Variants in SLAIN1 observed in about 807,000 individuals in gnomAD.
The protein encoded by SLAIN1 is SLAIN family member 1.
A neutral mutation model predicts 55.4 loss-of-function variants in SLAIN1; 17 were observed. The observed-to-expected ratio is 0.31, with a 90% CI of 0.21 to 0.46. The LOEUF (loss-of-function observed/expected upper bound fraction) is 0.46, where lower values mean the gene tolerates loss of function less well. Among genes scored for constraint, SLAIN1 ranks in the 20% least tolerant of loss-of-function variants. The probability of loss-of-function intolerance (pLI) is 1.00; values close to 1 mark genes in which losing one functional copy is unlikely to be tolerated. For synonymous variants in SLAIN1, 348 were observed against 337.4 expected, an observed-to-expected ratio of 1.03 and a Z score of -0.35; for missense variants, 682 against 785.1, an observed-to-expected ratio of 0.87 and a Z score of 1.57.
intron 2 of SLAIN1, chr13:77,743,118 G>C (rs1873568724): frequency 7.7e-7 from 1 of 1,302,784 alleles, no homozygotes; most frequent in Non-Finnish European, 1.0e-6. Flanking sequence ...AATACTCCCA[G>C]CTTCTCTAAA....
chr13:77,733,642 C>T (rs575363714), intron 2 of SLAIN1, among the ~76,000 whole-genome samples: 1 of 152,220 alleles, frequency 6.6e-6, no homozygotes, highest in South Asian at 2.1e-4. Flanking sequence ...CTAAGACTAC[C>T]AATTAGGTGC....
chr13:77,698,275 C>G lies in SLAIN1; in HGVS notation c.362C>G (p.Ala121Gly). Residue 121 changes from alanine to glycine, a missense_variant, in exon 1 of 7, where the codon GCG (alanine) becomes GGG (glycine). This residue lies in a region of SLAIN1 where 401 missense variants were observed against 417.3 expected (regional missense o/e 0.96). Transcript: ENST00000418532. This position sits in a 1 kb window ranked among gnomAD's most constrained non-coding sequence, Gnocchi z 4.1. The stretch of plus-strand genomic sequence containing the variant: ...GGCAGCGGCGGTGGCTCCAGCCCCG[C>G]GTTCCCGGGCACCTTCTGCCTGCCT... ...GSGSGGGSSPAFPGTFCLPSP... is the reference protein window; with the variant it reads ...GSGSGGGSSPGFPGTFCLPSP... 7.0e-7 allele frequency: 1 copy of G among 1,422,416 alleles called. No homozygotes were observed. 88.1% of individuals were successfully genotyped at this position (1,422,416 alleles called of 1,614,324 possible).
chr13:77,752,123 G>T (rs61963726), intron 4 of SLAIN1, among the ~76,000 whole-genome samples: 1 of 151,958 alleles, frequency 6.6e-6, no homozygotes, highest in African/African-American at 2.4e-5. Flanking sequence ...GCAAACATTT[G>T]GTGGCGTACT....
intron 1 of SLAIN1, among the ~76,000 whole-genome samples, chr13:77,713,623 A>G (rs2091175290): frequency 6.6e-6 from 1 of 152,246 alleles, no homozygotes; most frequent in Admixed American, 6.5e-5. Context: ...CGATTCCTCA[A>G]GGATCTAGAA....
chr13:77,714,991 C>T (rs2091192457), intron 1 of SLAIN1, among the ~76,000 whole-genome samples: 1 of 152,126 alleles, frequency 6.6e-6, no homozygotes. Flanking sequence ...CCTCAGCCTC[C>T]TGAGTAGCTG....
At chr13:77,741,392 A>T (rs927773437) in intron 2 of SLAIN1, 3 of 987,362 alleles carry the variant, frequency 3.0e-6, no homozygotes, top group Non-Finnish European at 3.6e-6. Context: ...AGGAACTGGA[A>T]GTGCATGTCT....
At chr13:77,707,155 G>A (rs2091098417) in intron 1 of SLAIN1, among the ~76,000 whole-genome samples, 1 of 151,504 alleles carries the variant, frequency 6.6e-6, no homozygotes, top group African/African-American at 2.4e-5. Context: ...GTAACAGACA[G>A]ATGTAGGTCA....
chr13:77,708,245 G>A (rs1317892259), intron 1 of SLAIN1, among the ~76,000 whole-genome samples: 1 of 152,194 alleles, frequency 6.6e-6, no homozygotes, highest in African/African-American at 2.4e-5. Context: ...CCTTACTGTG[G>A]TGTTCCCCTA....
At chr13:77,718,665 G>C (rs1285804970) in intron 1 of SLAIN1, among the ~76,000 whole-genome samples, 1 of 152,114 alleles carries the variant, frequency 6.6e-6, no homozygotes, top group Admixed American at 6.6e-5. Context: ...CTTTAGATTT[G>C]TAATTAATGT....
chr13:77,708,854 C>CCAAAAACCAGA (rs2091117037), intron 1 of SLAIN1, among the ~76,000 whole-genome samples: 1 of 152,062 alleles, frequency 6.6e-6, no homozygotes, highest in Non-Finnish European at 1.5e-5. Context: ...AATGCCTCTT[C>CCAAAAACCAGA]TCCTCCAAAG....
chr13:77,718,026 C>G (rs2091224820), intron 1 of SLAIN1, among the ~76,000 whole-genome samples: 1 of 151,702 alleles, frequency 6.6e-6, no homozygotes, highest in African/African-American at 2.4e-5. Context: ...TAGGACTGAG[C>G]TGGGGCCCAA....
At chr13:77,715,039 C>T (rs747457126) in intron 1 of SLAIN1, among the ~76,000 whole-genome samples, 7 of 151,930 alleles carry the variant, frequency 4.6e-5, no homozygotes, top group African/African-American at 7.3e-5. Flanking sequence ...AGCTAATTTT[C>T]GTATTTTTAG....
chr13:77,747,600 A>G (rs1873928519), intron 4 of SLAIN1, among the ~76,000 whole-genome samples: 1 of 152,164 alleles, frequency 6.6e-6, no homozygotes, highest in African/African-American at 2.4e-5. Context: ...GGTTGTAAGC[A>G]TGAATGATGA....
chr13:77,697,883 C>A lies in SLAIN1; in HGVS notation c.-31C>A. 1 of 1,325,122 alleles carries A rather than the reference C, an allele frequency of 7.5e-7. No homozygotes were observed. Among genetic ancestry groups the A allele is most frequent in the Non-Finnish European group, 9.7e-7 (1 of 1,034,372 alleles). 82.1% of individuals were successfully genotyped at this position (1,325,122 alleles called of 1,614,324 possible). ...GGAGCCGGCGCGGCGGCGCGCACTC[C>A]CCGGCGGCCGCGGCGCCCTCGGGGC... On this transcript the variant is annotated 5_prime_UTR_variant, in exon 1 of 7. Transcript: ENST00000418532.
chr13:77,749,489 G>C (rs1874062988), intron 4 of SLAIN1, among the ~76,000 whole-genome samples: 1 of 152,118 alleles, frequency 6.6e-6, no homozygotes, highest in South Asian at 2.1e-4. Context: ...CTAGCTGTTT[G>C]GTGGACAATG....
At chr13:77,700,668 T>C (rs1254901355) in intron 1 of SLAIN1, among the ~76,000 whole-genome samples, 2 of 152,194 alleles carry the variant, frequency 1.3e-5, no homozygotes, top group Non-Finnish European at 2.9e-5. Flanking sequence ...CCTTTATCAC[T>C]GCAGACTATA....
chr13:77,755,538 G>A (rs1006072976), intron 5 of SLAIN1, among the ~76,000 whole-genome samples: 1 of 152,132 alleles, frequency 6.6e-6, no homozygotes, highest in Non-Finnish European at 1.5e-5. Flanking sequence ...AAAATGACGG[G>A]AAAATGTCAA....
intron 1 of SLAIN1, among the ~76,000 whole-genome samples, chr13:77,712,311 G>T (rs901866353): frequency 6.6e-6 from 1 of 152,100 alleles, no homozygotes; most frequent in Non-Finnish European, 1.5e-5. Flanking sequence ...ATTGTATATT[G>T]AGAAAACCCC....
intron 2 of SLAIN1, among the ~76,000 whole-genome samples, chr13:77,737,460 A>T (rs1042834426): frequency 6.6e-6 from 1 of 152,130 alleles, no homozygotes; most frequent in African/African-American, 2.4e-5. Context: ...CTAACTGTTC[A>T]TTAAAGTATA....
Sources: gnomAD v4.1 joint callset for allele counts (sites outside exome capture counted in the v4.1 genomes callset) on GRCh38, gnomAD v4.1.1 for gene constraint, gnomAD v4.1.1 regional missense constraint, Gnocchi (gnomAD v3.1) non-coding constraint, MANE v1.5 for transcripts, NCBI Gene and HGNC (gene_info 2026-07-23, HGNC 2026-07-21) for gene names.